CHST4: variants seen among roughly 807,000 people sequenced by gnomAD.
The protein encoded by CHST4 is carbohydrate sulfotransferase 4, also known as GST-3.
For synonymous variants in CHST4, 171 were observed against 195.5 expected, an observed-to-expected ratio of 0.87 and a Z score of 1.05; for missense variants, 466 against 506.0, an observed-to-expected ratio of 0.92 and a Z score of 0.76.
rs1270114825 is a variant in CHST4, at chr16:71,537,579, A to G, written c.902A>G (p.His301Arg). 7 of 1,614,038 alleles carry G rather than the reference A, an allele frequency of 4.3e-6. No individual in the cohort carries two copies. The highest frequency in any genetic ancestry group is 5.1e-6 in the Non-Finnish European group (6 of 1,180,042). Residue 301 changes from histidine to arginine, a missense_variant, in exon 2 of 2, where the codon CAT (histidine) becomes CGT (arginine). Physicochemically the swap from His to Arg is conservative, Grantham distance 29. Transcript: ENST00000539698. The surrounding 1 kb of genome is among the most constrained non-coding windows in gnomAD (Gnocchi z 4.2). ...TTCGTGGGATTGGAATTCTTGCCCC[A>G]TCTTCAGACCTGGGTGCATAACATC... ...YEFVGLEFLP[H>R]LQTWVHNITR... is the part of the protein sequence containing the mutation.
chr16:71,536,528 C>A, intron 1 of CHST4, 132 bp from the exon 2 acceptor site: 2 of 508,592 alleles, frequency 3.9e-6, no homozygotes, highest in Admixed American at 3.7e-5. Flanking sequence ...CCATTGTTGG[C>A]ACGAATCCTC....
At chr16:71,534,740 G>A (rs903677708) in intron 1 of CHST4, among the ~76,000 whole-genome samples, 12 of 152,122 alleles carry the variant, frequency 7.9e-5, no homozygotes, top group Non-Finnish European at 1.8e-4. Context: ...TATAAGACCT[G>A]CCACCACAAA....
intron 1 of CHST4, 65 bp from the exon 2 acceptor site, chr16:71,536,595 A>C: frequency 8.0e-7 from 1 of 1,247,768 alleles, no homozygotes. Context: ...TTTGGCCAGA[A>C]GGGGAATAGA....
intron 1 of CHST4, among the ~76,000 whole-genome samples, chr16:71,528,016 C>T (rs1218973115): frequency 6.6e-6 from 1 of 152,134 alleles, no homozygotes; most frequent in Non-Finnish European, 1.5e-5. Flanking sequence ...GGCACAGTGG[C>T]TCATGGGTGT....
At chr16:71,531,794 T>C (rs1252687299) in intron 1 of CHST4, among the ~76,000 whole-genome samples, 1 of 152,258 alleles carries the variant, frequency 6.6e-6, no homozygotes, top group Admixed American at 6.5e-5. Context: ...CATTTCCTTA[T>C]AACTGTATAC....
Position 71,536,978 on chromosome 16 carries a change from G to T in CHST4, c.301G>T (p.Val101Phe). 6.2e-7 allele frequency: 1 copy of T among 1,613,952 alleles called. No homozygotes were observed. Among genetic ancestry groups the T allele is most frequent in the Non-Finnish European group, 8.5e-7 (1 of 1,179,910 alleles). Residue 101 changes from valine to phenylalanine, a missense_variant, in exon 2 of 2, where the codon GTC becomes TTC. Coordinates refer to ENST00000539698, the MANE Select transcript of CHST4 (RefSeq NM_001166395.2). ...GGCTGTGCGGGATCTGATACGGGCC[G>T]TCTTCTTGTGCGACATGAGCGTCTT... ...HMAVRDLIRA[V>F]FLCDMSVFDA...
At chr16:71,530,141 A>G (rs1405590758) in intron 1 of CHST4, among the ~76,000 whole-genome samples, 1 of 152,030 alleles carries the variant, frequency 6.6e-6, no homozygotes, top group African/African-American at 2.4e-5. Context: ...CTGTCTAAAA[A>G]ATAAAATTAA....
rs1007648187 is a variant in CHST4 at position 71,537,146 on chromosome 16, A to G, written c.469A>G (p.Ser157Gly). 30 of 1,614,140 alleles carry G rather than the reference A, an allele frequency of 1.9e-5. No homozygotes were observed. The highest frequency in any genetic ancestry group is 2.5e-5 in the Non-Finnish European group (30 of 1,180,026). The change falls in exon 2 of 2, where the codon AGT (serine) becomes GGT (glycine). Residue 157 changes from serine to glycine, a missense_variant. Ser to Gly is a moderately conservative substitution (Grantham distance 56). Transcript: ENST00000539698. The surrounding 1 kb of genome is among the most constrained non-coding windows in gnomAD (Gnocchi z 4.2). ...IPRAHCRLLC[S>G]QQPFEVVEKA... The stretch of plus-strand genomic sequence containing the variant: ...CCGGGCTCACTGCAGGCTCCTGTGC[A>G]GTCAACAGCCCTTTGAGGTGGTGGA...
chr16:71,537,523 C>T lies in CHST4; in HGVS notation c.846C>T (p.Ala282=). The T allele has an allele frequency of 1.9e-6, 3 of 1,614,174 alleles. No homozygotes were observed. Among genetic ancestry groups the T allele is most frequent in the Non-Finnish European group, 2.5e-6 (3 of 1,180,042 alleles). The change falls in exon 2 of 2, where the codon GCC becomes GCT. Residue 282 remains alanine, a synonymous_variant. Coordinates refer to ENST00000539698, the MANE Select transcript of CHST4 (RefSeq NM_001166395.2). This position sits in a 1 kb window ranked among gnomAD's most constrained non-coding sequence, Gnocchi z 4.2. ...TGCGCTATGAGGACCTGGCTCGAGC[C>T]CCTGTGGCCCAGACTTCCCGAATGT... ...LLVRYEDLAR[A]PVAQTSRMYE...
At chr16:71,536,014 T>A (rs1372668237) in intron 1 of CHST4, among the ~76,000 whole-genome samples, 5 of 152,202 alleles carry the variant, frequency 3.3e-5, no homozygotes, top group African/African-American at 1.2e-4. Context: ...ACAGGCACCA[T>A]GAGCACCTGG....
Position 71,536,990 on chromosome 16 carries a change from G to A in CHST4, c.313G>A (p.Asp105Asn), listed in dbSNP as rs984927350. 3.7e-6 allele frequency: 6 copies of A among 1,614,062 alleles called. No homozygotes were observed. Among genetic ancestry groups the A allele is most frequent in the East Asian group, 4.5e-5 (2 of 44,868 alleles). ...TCTGATACGGGCCGTCTTCTTGTGC[G>A]ACATGAGCGTCTTTGATGCCTACAT... ...RDLIRAVFLC[D>N]MSVFDAYMEP... is the part of the protein sequence containing the mutation. The change falls in exon 2 of 2, where the codon GAC becomes AAC. Residue 105 changes from aspartate to asparagine, a missense_variant. By Grantham distance (23) the Asp-to-Asn change is conservative. Coordinates refer to ENST00000539698, the MANE Select transcript of CHST4 (RefSeq NM_001166395.2).
intron 1 of CHST4, 51 bp from the exon 2 acceptor site, chr16:71,536,609 C>T: frequency 1.5e-6 from 2 of 1,318,282 alleles, no homozygotes; most frequent in Admixed American, 5.5e-5. Context: ...GAATAGAAGG[C>T]AAACAATAAA....
Position 71,537,875 on chromosome 16 carries a change from C to T in CHST4, c.*37C>T. 1 of 1,557,192 alleles carries T rather than the reference C, an allele frequency of 6.4e-7. No homozygotes were observed. Among genetic ancestry groups the T allele is most frequent in the Non-Finnish European group, 8.7e-7 (1 of 1,148,854 alleles). On this transcript the variant is annotated 3_prime_UTR_variant, in exon 2 of 2. Coordinates refer to ENST00000539698, the MANE Select transcript of CHST4 (RefSeq NM_001166395.2). This position sits in a 1 kb window ranked among gnomAD's most constrained non-coding sequence, Gnocchi z 4.2. ...AGGCTTTGCTGCCACCTGGTGTCAG[C>T]CTCAGTCACTTTCTCTGAATGCTTC...
At chr16:71,528,703 T>C (rs2043925327) in intron 1 of CHST4, among the ~76,000 whole-genome samples, 2 of 152,182 alleles carry the variant, frequency 1.3e-5, no homozygotes, top group South Asian at 4.1e-4. Context: ...TCATGGGAAG[T>C]GTAAGTTAGG....
intron 1 of CHST4, among the ~76,000 whole-genome samples, chr16:71,532,462 T>A (rs907701134): frequency 6.6e-6 from 1 of 152,224 alleles, no homozygotes; most frequent in Non-Finnish European, 1.5e-5. Context: ...ATGATCCTCA[T>A]TGGATCTTTT....
chr16:71,535,222 G>T (rs1207683704), intron 1 of CHST4, among the ~76,000 whole-genome samples: 1 of 152,176 alleles, frequency 6.6e-6, no homozygotes, highest in Non-Finnish European at 1.5e-5. Flanking sequence ...ACCCAGGCTG[G>T]AGTGCAGTGG....
chr16:71,537,571 C>T lies in CHST4; in HGVS notation c.894C>T (p.Phe298=). ...SRMYEFVGLE[F]LPHLQTWVHN... is the part of the protein sequence containing the mutation. ...TGTATGAATTCGTGGGATTGGAATTCTTGCCCCATCTTCAGACCTGGGTGC... is the reference window on the plus strand; with the variant it reads ...TGTATGAATTCGTGGGATTGGAATTTTTGCCCCATCTTCAGACCTGGGTGC... The change falls in exon 2 of 2, where the codon TTC becomes TTT. Residue 298 remains phenylalanine (F), a synonymous_variant. Coordinates refer to ENST00000539698, the MANE Select transcript of CHST4 (RefSeq NM_001166395.2). The surrounding 1 kb of genome is among the most constrained non-coding windows in gnomAD (Gnocchi z 4.2). The T allele has an allele frequency of 6.2e-7, 1 of 1,614,200 alleles. No homozygotes were observed. The highest frequency in any genetic ancestry group is 1.1e-5 in the South Asian group (1 of 91,080).
At position 71,537,261 on chromosome 16, in the gene CHST4, C is replaced by T; in HGVS notation, c.584C>T (p.Ser195Phe). The T allele has an allele frequency of 1.2e-6, 2 of 1,614,226 alleles. No homozygotes were observed. The highest frequency in any genetic ancestry group is 1.3e-5 in the African/African-American group (1 of 75,062). ...CTCTACCCGCTGCTGAAAGACCCCTCCCTCAACCTGCATATCGTGCACCTG... is the reference window on the plus strand; with the variant it reads ...CTCTACCCGCTGCTGAAAGACCCCTTCCTCAACCTGCATATCGTGCACCTG... ...QSLYPLLKDP[S>F]LNLHIVHLVR... Residue 195 changes from serine (S) to phenylalanine (F), a missense_variant, in exon 2 of 2, where the codon TCC becomes TTC. Transcript: ENST00000539698. The surrounding 1 kb of genome is among the most constrained non-coding windows in gnomAD (Gnocchi z 4.2).
At position 71,537,345 on chromosome 16, in the gene CHST4, TTGACAGTCGCA is replaced by T. The variant is rs1409402084; in HGVS notation, c.670_680del (p.Asp224CysfsTer6). 3.7e-6 allele frequency: 6 copies of T among 1,614,160 alleles called. No individual in the cohort carries two copies. Among genetic ancestry groups the T allele is most frequent in the Non-Finnish European group, 4.2e-6 (5 of 1,180,022 alleles). Reference sequence around the variant, plus strand: ...GAACGCACAAAGGGAGATCTCATGATTGACAGTCGCATTGTGATGGGGCAGCATGAGCAAAA... The same window carrying T: ...GAACGCACAAAGGGAGATCTCATGATTTGTGATGGGGCAGCATGAGCAAAA... On this transcript the variant is annotated frameshift_variant, in exon 2 of 2. Transcript: ENST00000539698. LOFTEE classifies it low-confidence loss of function (END_TRUNC). This position sits in a 1 kb window ranked among gnomAD's most constrained non-coding sequence, Gnocchi z 4.2.
Sources: allele counts gnomAD v4.1 joint callset (sites outside exome capture counted in the v4.1 genomes callset), GRCh38; gene constraint gnomAD v4.1.1; non-coding constraint Gnocchi (gnomAD v3.1); transcripts MANE v1.5; gene names NCBI Gene and HGNC (gene_info 2026-07-23, HGNC 2026-07-21).